PRKD1: variants seen among roughly 807,000 people sequenced by gnomAD.
PRKD1 encodes serine/threonine-protein kinase D1.
A neutral mutation model predicts 95.9 loss-of-function variants in PRKD1; 63 were observed. The observed-to-expected ratio is 0.66, with a 90% CI of 0.54 to 0.81. The LOEUF (loss-of-function observed/expected upper bound fraction) is 0.81, where lower values mean the gene tolerates loss of function less well. PRKD1 is among the 30% of genes least tolerant of loss of function. The pLI is 0.00. For missense variants in PRKD1, 1,048 were observed against 1,165.3 expected, an observed-to-expected ratio of 0.90 and a Z score of 1.47; for synonymous variants, 425 against 423.1, an observed-to-expected ratio of 1.00 and a Z score of -0.05.
intron 1 of PRKD1, among the ~76,000 whole-genome samples, chr14:29,768,994 C>T (rs535240173): frequency 1.3e-4 from 20 of 151,450 alleles, no homozygotes; most frequent in Non-Finnish European, 2.7e-4. Context: ...GCCCACCCTA[C>T]CACCACCCTC....
chr14:29,587,169 C>T (rs1488179113), intron 16 of PRKD1, among the ~76,000 whole-genome samples: 1 of 152,046 alleles, frequency 6.6e-6, no homozygotes, highest in African/African-American at 2.4e-5. Context: ...AATACATGAA[C>T]ATTTTTGTTC....
chr14:29,763,369 G>C (rs866377257), intron 1 of PRKD1, among the ~76,000 whole-genome samples: 56 of 126,504 alleles, frequency 4.4e-4, no homozygotes, highest in Middle Eastern at 4.2e-3. Flanking sequence ...GAAGGAAGGA[G>C]GGAAGGAAGG....
chr14:29,663,604 T>G, intron 4 of PRKD1, 95 bp downstream of exon 4: 1 of 1,402,472 alleles, frequency 7.1e-7, no homozygotes, highest in Non-Finnish European at 9.9e-7. Context: ...GGCTGCATTC[T>G]CCCTCCTAGC....
intron 1 of PRKD1, among the ~76,000 whole-genome samples, chr14:29,748,397 G>T (rs1216318983): frequency 6.6e-6 from 1 of 152,156 alleles, no homozygotes; most frequent in Non-Finnish European, 1.5e-5. Context: ...GTTCAAAATT[G>T]CAGATGAAGC....
At chr14:29,693,644 A>G (rs1269171015) in intron 2 of PRKD1, among the ~76,000 whole-genome samples, 1 of 106,758 alleles carries the variant, frequency 9.4e-6, no homozygotes, top group Non-Finnish European at 1.7e-5. Flanking sequence ...AAAAAAAACA[A>G]CAACAACAAA....
intron 16 of PRKD1, among the ~76,000 whole-genome samples, chr14:29,594,627 G>C (rs575626442): frequency 6.6e-6 from 1 of 152,228 alleles, no homozygotes; most frequent in South Asian, 2.1e-4. Context: ...TTTTATCTTT[G>C]TCAAAATCAT....
intron 2 of PRKD1, among the ~76,000 whole-genome samples, chr14:29,680,841 G>T (rs1031426337): frequency 6.6e-6 from 1 of 152,160 alleles, no homozygotes; most frequent in Non-Finnish European, 1.5e-5. Flanking sequence ...TTTGAGGTTG[G>T]AGGGCTAAGA....
At chr14:29,852,992 C>T (rs1892365855) in intron 1 of PRKD1, among the ~76,000 whole-genome samples, 1 of 152,102 alleles carries the variant, frequency 6.6e-6, no homozygotes, top group Non-Finnish European at 1.5e-5. Context: ...CTACATGAGA[C>T]TCACTTTAGA....
At chr14:29,656,219 T>A (rs991650295) in intron 4 of PRKD1, among the ~76,000 whole-genome samples, 4 of 152,188 alleles carry the variant, frequency 2.6e-5, no homozygotes. Context: ...AAATCTGACC[T>A]GAAAAACCTA....
At chr14:29,925,443 A>G (rs1346171120) in intron 1 of PRKD1, among the ~76,000 whole-genome samples, 1 of 152,096 alleles carries the variant, frequency 6.6e-6, no homozygotes, top group African/African-American at 2.4e-5. Context: ...TCCCTTAAAT[A>G]CCCAGGCCAC....
At chr14:29,874,168 G>A (rs1893207055) in intron 1 of PRKD1, among the ~76,000 whole-genome samples, 1 of 151,940 alleles carries the variant, frequency 6.6e-6, no homozygotes, top group Non-Finnish European at 1.5e-5. Flanking sequence ...ATGTTTATGG[G>A]GAGAAAAAAT....
intron 4 of PRKD1, among the ~76,000 whole-genome samples, chr14:29,649,467 T>C (rs1302999599): frequency 6.6e-6 from 1 of 151,974 alleles, no homozygotes; most frequent in Non-Finnish European, 1.5e-5. Flanking sequence ...ACTGGTGAAG[T>C]TTTTACTTTG....
intron 1 of PRKD1, among the ~76,000 whole-genome samples, chr14:29,734,835 G>T (rs1375556466): frequency 1.3e-5 from 2 of 152,076 alleles, no homozygotes; most frequent in Non-Finnish European, 2.9e-5. Flanking sequence ...CCAAAATCCT[G>T]TTGGCTTGGC....
At chr14:29,806,513 C>G (rs1272303828) in intron 1 of PRKD1, among the ~76,000 whole-genome samples, 1 of 151,966 alleles carries the variant, frequency 6.6e-6, no homozygotes, top group South Asian at 2.1e-4. Context: ...CAGAAAACAG[C>G]CAGCGCATCA....
intron 1 of PRKD1, among the ~76,000 whole-genome samples, chr14:29,836,655 A>G (rs7157367): frequency 0.49 from 74,159 of 151,938 alleles, 21,883 homozygotes; most frequent in African/African-American, 0.84. Flanking sequence ...GTTTGCCAAC[A>G]CCTCCTCCTC....
chr14:29,912,187 C>T (rs1356774799), intron 1 of PRKD1, among the ~76,000 whole-genome samples: 2 of 152,158 alleles, frequency 1.3e-5, no homozygotes, highest in Non-Finnish European at 2.9e-5. Context: ...AAATCCTTAA[C>T]AACATCTACA....
chr14:29,777,241 A>G (rs561013763), intron 1 of PRKD1, among the ~76,000 whole-genome samples: 1 of 152,130 alleles, frequency 6.6e-6, no homozygotes, highest in Non-Finnish European at 1.5e-5. Flanking sequence ...ATCAACTAAC[A>G]AGCAAAATAA....
chr14:29,578,543 TAAA>T (rs992449669), intron 16 of PRKD1, among the ~76,000 whole-genome samples, 183 bp from the exon 17 acceptor site: 76 of 42,690 alleles, frequency 1.8e-3, no homozygotes, highest in African/African-American at 5.4e-3. Context: ...TTTTGGATAC[TAAA>T]AAAAAAAAAA....
chr14:29,746,751 A>G (rs980805610), intron 1 of PRKD1, among the ~76,000 whole-genome samples: 5 of 152,168 alleles, frequency 3.3e-5, no homozygotes, highest in Admixed American at 6.5e-5. Context: ...ACGAATTTTC[A>G]TTTAATTCAG....
Sources: allele counts gnomAD v4.1 joint callset (sites outside exome capture counted in the v4.1 genomes callset), GRCh38; gene constraint gnomAD v4.1.1; transcripts MANE v1.5; gene names NCBI Gene and HGNC (gene_info 2026-07-23, HGNC 2026-07-21).